The following GUCY1A1 variants were observed in gnomAD, a reference collection of about 807,000 sequenced individuals.
GUCY1A1 encodes guanylate cyclase soluble subunit alpha-1.
Under a neutral mutation model 64.5 loss-of-function variants are expected in GUCY1A1, and 48 were observed. The ratio of observed to expected loss-of-function variants is 0.74; its 90% CI spans 0.59 to 0.95. The LOEUF is 0.95. Ranked by LOEUF, GUCY1A1 falls within the 40% of genes least tolerant of loss-of-function variation. The probability of loss-of-function intolerance (pLI) is 0.00; values close to 1 mark genes in which losing one functional copy is unlikely to be tolerated. For synonymous variants in GUCY1A1, 308 were observed against 303.4 expected, an observed-to-expected ratio of 1.02 and a Z score of -0.16; for missense variants, 804 against 825.3, an observed-to-expected ratio of 0.97 and a Z score of 0.32.
intron 1 of GUCY1A1, 49 bp from the exon 2 acceptor site, chr4:155,667,297 C>CGCTCACTG (rs1733441215): frequency 6.6e-6 from 1 of 152,456 alleles, no homozygotes; most frequent in South Asian, 2.1e-4. Context: ...TCCCCTCTCC[C>CGCTCACTG]GCTCACTGCC....
In GUCY1A1 at chr4:155,735,220, A is replaced by G. The variant is rs1735940616; in HGVS notation, c.*4989A>G. The G allele has an allele frequency of 6.6e-6, 1 of 151,938 alleles. No homozygotes were observed. The highest frequency in any genetic ancestry group is 2.4e-5 in the African/African-American group (1 of 41,408). The allele number at this position is 151,938 out of a possible 1,614,324, so 9.4% of individuals were successfully genotyped here. A position where few individuals can be genotyped will look rare whatever the true frequency, so the allele number is the denominator to read the frequency against. On this transcript the variant is annotated 3_prime_UTR_variant, in exon 10 of 10. Transcript: ENST00000506455. ...CACATTTTTCATCCAAAGCTATCCC[A>G]TTACCTTATTTATGTCCATTTATTT...
chr4:155,727,163 A>C lies in GUCY1A1; in HGVS notation c.1872-2867A>C, dbSNP rs576433510. The stretch of plus-strand genomic sequence containing the variant: ...ATGGTGTCTGGTGAAGAAGGTGTAG[A>C]GAAAAATGTCCACCTATGAGGACAT... On this transcript the variant is annotated intron_variant, in intron 9 of 9. Coordinates refer to ENST00000506455, the MANE Select transcript of GUCY1A1 (RefSeq NM_001130682.3). 2.0e-5 allele frequency among the ~76,000 whole-genome samples: 3 copies of C among 152,124 alleles called. 1 individual carries two copies. In the South Asian group the frequency reaches 6.2e-4, roughly 32 times the overall value.
rs13132393 is a variant in GUCY1A1 at position 155,730,677 on chromosome 4, A to G, written c.*446A>G. ...TTCTTTGACACCCTCAGTTCTTTCA[A>G]ACTTTCAACTCTGCATTTTATTGCA... On this transcript the variant is annotated 3_prime_UTR_variant, in exon 10 of 10. Transcript: ENST00000506455. 6.5e-6 allele frequency: 1 copy of G among 153,860 alleles called. No homozygotes were observed. The highest frequency in any genetic ancestry group is 1.5e-5 in the Non-Finnish European group (1 of 68,386). 9.5% of individuals were successfully genotyped at this position (153,860 alleles called of 1,614,324 possible).
At chr4:155,680,168 T>C (rs1735531056) in intron 2 of GUCY1A1, among the ~76,000 whole-genome samples, 1 of 152,200 alleles carries the variant, frequency 6.6e-6, no homozygotes, top group South Asian at 2.1e-4. Context: ...ATATTATACA[T>C]GGTATATATC....
In GUCY1A1 at chr4:155,733,522, T is replaced by C. The variant is rs1232979759; in HGVS notation, c.*3291T>C. On this transcript the variant is annotated 3_prime_UTR_variant, in exon 10 of 10. Coordinates refer to ENST00000506455, the MANE Select transcript of GUCY1A1 (RefSeq NM_001130682.3). Reference sequence around the variant, plus strand: ...AGTTATTCATATTGCTATTGTAATATTAATATATAGTAATTAACTACACAT... The same window carrying C: ...AGTTATTCATATTGCTATTGTAATACTAATATATAGTAATTAACTACACAT... 1.3e-5 allele frequency among the ~76,000 whole-genome samples: 2 copies of C among 151,722 alleles called. No homozygotes were observed. Among genetic ancestry groups the C allele is most frequent in the South Asian group, 2.1e-4 (1 of 4,802 alleles).
chr4:155,736,772 A>G lies in GUCY1A1; in HGVS notation c.*6541A>G, dbSNP rs1340896313. The stretch of plus-strand genomic sequence containing the variant: ...GTTTTTGGTAAATATGCATTGCTAT[A>G]GGTATACCAAGTTTTTTTTGTTATG... On this transcript the variant is annotated 3_prime_UTR_variant, in exon 10 of 10. Coordinates refer to ENST00000506455, the MANE Select transcript of GUCY1A1 (RefSeq NM_001130682.3). 6.6e-6 allele frequency: 1 copy of G among 151,944 alleles called. No individual in the cohort carries two copies. Among genetic ancestry groups the G allele is most frequent in the East Asian group, 1.9e-4 (1 of 5,154 alleles). The allele number at this position is 151,944 out of a possible 1,614,324, so 9.4% of individuals were successfully genotyped here.
intron 9 of GUCY1A1, among the ~76,000 whole-genome samples, chr4:155,724,311 T>A (rs962501264): frequency 6.6e-6 from 1 of 152,148 alleles, no homozygotes; most frequent in Non-Finnish European, 1.5e-5. Context: ...AGCTCTGAAT[T>A]GAAAAATAAA....
chr4:155,717,217 C>A lies in GUCY1A1; in HGVS notation c.1631C>A (p.Thr544Asn). 1 of 1,592,354 alleles carries A rather than the reference C, an allele frequency of 6.3e-7. No individual in the cohort carries two copies. The highest frequency in any genetic ancestry group is 8.6e-7 in the Non-Finnish European group (1 of 1,166,150). ...VAGGLHKESD[T>N]HAVQIALMAL... ...GGGGGATTACACAAAGAGAGTGATA[C>A]TCATGCTGTTCAGATAGCGCTGATG... is the stretch of plus-strand genomic sequence containing the variant. Residue 544 changes from threonine (T) to asparagine (N), a missense_variant, in exon 8 of 10, where the codon ACT becomes AAT. Transcript: ENST00000506455.
At position 155,710,767 on chromosome 4, in the gene GUCY1A1, A is replaced by G; in HGVS notation, c.602A>G (p.His201Arg). Reference protein sequence around the residue: ...LCLDKEDDFLHVYYFFPKRTT... With the variant: ...LCLDKEDDFLRVYYFFPKRTT... Reference sequence around the variant, plus strand: ...CTGGATAAGGAGGATGATTTTCTACATGTTTACTACTTCTTCCCTAAGAGA... The same window carrying G: ...CTGGATAAGGAGGATGATTTTCTACGTGTTTACTACTTCTTCCCTAAGAGA... The change falls in exon 6 of 10, where the codon CAT becomes CGT. Residue 201 changes from histidine (H) to arginine (R), a missense_variant. Coordinates refer to ENST00000506455, the MANE Select transcript of GUCY1A1 (RefSeq NM_001130682.3). 6.8e-6 allele frequency: 11 copies of G among 1,613,976 alleles called. No individual in the cohort carries two copies. Among genetic ancestry groups the G allele is most frequent in the Non-Finnish European group, 9.3e-6 (11 of 1,179,906 alleles).
At chr4:155,693,336 G>A (rs938122033) in intron 2 of GUCY1A1, among the ~76,000 whole-genome samples, 37 of 152,008 alleles carry the variant, frequency 2.4e-4, no homozygotes, top group African/African-American at 8.5e-4. Context: ...AAGGCCTGTC[G>A]CCAAATTTAT....
chr4:155,714,721 T>A (rs1210521294), intron 7 of GUCY1A1, among the ~76,000 whole-genome samples: 1 of 152,226 alleles, frequency 6.6e-6, no homozygotes, highest in Non-Finnish European at 1.5e-5. Flanking sequence ...TGTCTTGTTT[T>A]ATTCTAGATG....
intron 4 of GUCY1A1, among the ~76,000 whole-genome samples, chr4:155,705,668 C>T (rs958674754): frequency 3.3e-5 from 5 of 151,526 alleles, no homozygotes; most frequent in African/African-American, 9.7e-5. Context: ...TGGAGTTTTA[C>T]AAACCAGCAC....
chr4:155,680,240 A>G (rs1735539645), intron 2 of GUCY1A1, among the ~76,000 whole-genome samples: 1 of 152,182 alleles, frequency 6.6e-6, no homozygotes, highest in Non-Finnish European at 1.5e-5. Flanking sequence ...TCAGTGTAAA[A>G]GTCTTGTAAG....
intron 2 of GUCY1A1, among the ~76,000 whole-genome samples, chr4:155,673,384 A>G (rs1425070047): frequency 6.6e-6 from 1 of 151,592 alleles, no homozygotes; most frequent in African/African-American, 2.4e-5. Flanking sequence ...GCACTTAACA[A>G]TGAGCATAAT....
At chr4:155,726,322 A>G (rs577717330) in intron 9 of GUCY1A1, among the ~76,000 whole-genome samples, 29 of 151,962 alleles carry the variant, frequency 1.9e-4, no homozygotes, top group Non-Finnish European at 3.5e-4. Context: ...GAGATACTTC[A>G]CTTTTCTTCC....
At chr4:155,723,213 C>T (rs1734204788) in intron 9 of GUCY1A1, among the ~76,000 whole-genome samples, 1 of 152,150 alleles carries the variant, frequency 6.6e-6, no homozygotes, top group African/African-American at 2.4e-5. Context: ...CAGTCAAATT[C>T]CCTATCATAC....
intron 2 of GUCY1A1, among the ~76,000 whole-genome samples, chr4:155,692,115 G>A (rs1289826626): frequency 1.3e-5 from 2 of 152,226 alleles, no homozygotes; most frequent in East Asian, 3.9e-4. Context: ...TTCCTGCAAA[G>A]GACATGATCT....
intron 9 of GUCY1A1, among the ~76,000 whole-genome samples, chr4:155,726,456 T>C (rs1253301888): frequency 6.6e-6 from 1 of 152,012 alleles, no homozygotes; most frequent in East Asian, 1.9e-4. Context: ...AAGAAGCGGC[T>C]GCTAAAGAAG....
At chr4:155,671,473 C>A (rs2126500806) in intron 2 of GUCY1A1, among the ~76,000 whole-genome samples, 1 of 152,204 alleles carries the variant, frequency 6.6e-6, no homozygotes, top group South Asian at 2.1e-4. Context: ...CTATTTTATT[C>A]TTTTTTAGTT....
Sources: allele counts gnomAD v4.1 joint callset (sites outside exome capture counted in the v4.1 genomes callset), GRCh38; gene constraint gnomAD v4.1.1; transcripts MANE v1.5; gene names NCBI Gene and HGNC (gene_info 2026-07-23, HGNC 2026-07-21).